Variants in KANSL2 observed in about 807,000 individuals in gnomAD.
KANSL2 encodes the protein NSL complex protein NSL2.
A neutral mutation model predicts 55.6 loss-of-function variants in KANSL2; 34 were observed. The ratio of observed to expected loss-of-function variants is 0.61; its 90% CI spans 0.46 to 0.81. The LOEUF (loss-of-function observed/expected upper bound fraction) is 0.81. Ranked by LOEUF, KANSL2 falls within the 40% of genes least tolerant of loss-of-function variation. The pLI, the probability that KANSL2 is intolerant of heterozygous loss-of-function variation, is 0.00. For synonymous variants in KANSL2, 209 were observed against 214.3 expected, an observed-to-expected ratio of 0.98 and a Z score of 0.22; for missense variants, 502 against 609.9, an observed-to-expected ratio of 0.82 and a Z score of 1.86.
chr12:48,677,038 G>A (rs57658152), intron 4 of KANSL2, among the ~76,000 whole-genome samples: 2,766 of 152,264 alleles, frequency 0.018, 91 homozygotes, highest in African/African-American at 0.063. Flanking sequence ...ATAGTAATAT[G>A]TAATCATAAG....
At chr12:48,677,838 A>G (rs905827509) in intron 4 of KANSL2, among the ~76,000 whole-genome samples, 7 of 150,388 alleles carry the variant, frequency 4.7e-5, no homozygotes, top group African/African-American at 1.2e-4. Context: ...TTAAGTTACT[A>G]TTTGTGAGAG....
At chr12:48,659,203 AG>A (rs1243700361) in intron 8 of KANSL2, among the ~76,000 whole-genome samples, 2 of 152,170 alleles carry the variant, frequency 1.3e-5, no homozygotes, top group Non-Finnish European at 2.9e-5. Flanking sequence ...GTGAAGCACA[AG>A]AATCACTTGA....
intron 5 of KANSL2, among the ~76,000 whole-genome samples, chr12:48,670,480 A>G (rs929396649): frequency 6.6e-6 from 1 of 152,186 alleles, no homozygotes; most frequent in African/African-American, 2.4e-5. Context: ...CAGTGACACT[A>G]GGCCCATGTA....
chr12:48,656,477 G>T (rs1292513214), intron 8 of KANSL2, among the ~76,000 whole-genome samples: 19 of 151,838 alleles, frequency 1.3e-4, no homozygotes, highest in Non-Finnish European at 1.3e-4. Context: ...GTTTCACCAT[G>T]TTAGCCAGGA....
chr12:48,654,222 G>T (rs377129348), intron 9 of KANSL2, 47 bp from the exon 10 acceptor site: 1 of 1,566,814 alleles, frequency 6.4e-7, no homozygotes, highest in East Asian at 2.2e-5. Flanking sequence ...CATTCACTGT[G>T]GTCTGAAGTA....
intron 7 of KANSL2, among the ~76,000 whole-genome samples, chr12:48,663,067 T>C (rs1939518261): frequency 6.6e-6 from 1 of 152,230 alleles, no homozygotes; most frequent in Admixed American, 6.5e-5. Context: ...TTCTGTTAAA[T>C]ATATTTAATG....
chr12:48,653,825 C>A lies in KANSL2; in HGVS notation c.*219G>T. 2.3e-6 allele frequency: 1 copy of A among 427,036 alleles called. No individual in the cohort carries two copies. 26.5% of individuals were successfully genotyped at this position (427,036 alleles called of 1,614,324 possible). A position where few individuals can be genotyped will look rare whatever the true frequency, so the allele number is the denominator to read the frequency against. ...GTATAGTCCCAAATAATCCCAGAAG[C>A]TTTGATAGGGATTATCTCTCTTTCT... On this transcript the variant is annotated 3_prime_UTR_variant, in exon 10 of 10. Coordinates refer to ENST00000420613, the MANE Select transcript of KANSL2 (RefSeq NM_017822.4).
At chr12:48,657,762 G>A (rs866310547) in intron 8 of KANSL2, among the ~76,000 whole-genome samples, 5 of 152,100 alleles carry the variant, frequency 3.3e-5, no homozygotes, top group African/African-American at 7.2e-5. Context: ...GATTACAGGC[G>A]CGTGCCACCA....
chr12:48,672,433 A>ATATATATTTTTTT (rs371918890), intron 4 of KANSL2, among the ~76,000 whole-genome samples: 1 of 120,384 alleles, frequency 8.3e-6, no homozygotes, highest in African/African-American at 3.6e-5. Flanking sequence ...ATATATATAT[A>ATATATATTTTTTT]TTTTTTTTTT....
At chr12:48,680,998 G>C (rs1271091447) in intron 2 of KANSL2, among the ~76,000 whole-genome samples, 1 of 151,332 alleles carries the variant, frequency 6.6e-6, no homozygotes, top group Non-Finnish European at 1.5e-5. Flanking sequence ...ATTAACTTTA[G>C]GGCCGGGCGC....
At chr12:48,672,433 A>AT (rs1555155470) in intron 4 of KANSL2, among the ~76,000 whole-genome samples, 82 of 120,376 alleles carry the variant, frequency 6.8e-4, no homozygotes, top group South Asian at 2.0e-3. Context: ...ATATATATAT[A>AT]TTTTTTTTTT....
intron 7 of KANSL2, 45 bp downstream of exon 7, chr12:48,667,648 T>A (rs1234241214): frequency 6.9e-7 from 1 of 1,459,414 alleles, no homozygotes. Context: ...CCACTAGTCT[T>A]CAAACTAGCA....
At position 48,668,555 on chromosome 12, in the gene KANSL2, C is replaced by T. The variant is rs144577509; in HGVS notation, c.876+551G>A. Among the ~76,000 whole-genome samples the T allele has an allele frequency of 2.4e-3, 373 of 152,248 alleles. 2 individuals are homozygous for T. The highest frequency in any genetic ancestry group is 8.4e-3 in the African/African-American group (349 of 41,542). The stretch of plus-strand genomic sequence containing the variant: ...TCTCTACTAAAAATACAAAATCAGC[C>T]AGACATGGTGGCACATGCCTGTAAT... On this transcript the variant is annotated intron_variant, in intron 6 of 9. Coordinates refer to ENST00000420613, the MANE Select transcript of KANSL2 (RefSeq NM_017822.4).
At chr12:48,656,924 A>T (rs1257899668) in intron 8 of KANSL2, 2 of 281,462 alleles carry the variant, frequency 7.1e-6, no homozygotes, top group Non-Finnish European at 1.4e-5. Context: ...CAGTTTATAG[A>T]TGCTCCGTGT....
intron 4 of KANSL2, 79 bp downstream of exon 4, chr12:48,678,957 C>T (rs1166012617): frequency 3.0e-6 from 3 of 998,406 alleles, no homozygotes; most frequent in Non-Finnish European, 4.7e-6. Flanking sequence ...TCCTAGGTTA[C>T]TAATTTATTA....
intron 4 of KANSL2, 36 bp downstream of exon 4, chr12:48,679,000 T>G: frequency 7.0e-7 from 1 of 1,437,570 alleles, no homozygotes; most frequent in Middle Eastern, 1.8e-4. Context: ...ACATACTAAC[T>G]ACATTTCAAA....
chr12:48,681,747 G>A (rs755831917), intron 1 of KANSL2, 106 bp from the exon 2 acceptor site: 89 of 1,420,024 alleles, frequency 6.3e-5, no homozygotes, highest in Middle Eastern at 5.2e-4. Flanking sequence ...AGTCGTCCCC[G>A]TAAGGTACGC....
intron 3 of KANSL2, 36 bp downstream of exon 3, chr12:48,679,619 T>G (rs1235891190): frequency 1.9e-6 from 3 of 1,587,284 alleles, no homozygotes; most frequent in Non-Finnish European, 2.6e-6. Flanking sequence ...CTTAACTTTC[T>G]TCCTCCTTTT....
chr12:48,660,558 G>A lies in KANSL2; in HGVS notation c.1035C>T (p.Pro345=), dbSNP rs971583045. ...FKCCQGSEEV[P]CNKPVPVSLS... is the part of the protein sequence containing the mutation. ...GGCTTACAGGAACAGGTTTGTTGCA[G>A]GGTACCTCTTCAGATCCCTGGCAGC... The change falls in exon 8 of 10, where the codon CCC becomes CCT. Residue 345 remains proline (P), a synonymous_variant. Coordinates refer to ENST00000420613, the MANE Select transcript of KANSL2 (RefSeq NM_017822.4). The A allele has an allele frequency of 3.1e-6, 5 of 1,613,172 alleles. No individual in the cohort carries two copies. The Admixed American group carries it at 5.0e-5, about 16-fold the overall frequency.
Sources: gnomAD v4.1 joint callset for allele counts (sites outside exome capture counted in the v4.1 genomes callset) on GRCh38, gnomAD v4.1.1 for gene constraint, MANE v1.5 for transcripts, NCBI Gene and HGNC (gene_info 2026-07-23, HGNC 2026-07-21) for gene names.